FSTL5: variants seen among roughly 807,000 people sequenced by gnomAD.
FSTL5 encodes follistatin like 5, also known as follistatin-related protein 5.
Under a neutral mutation model 89.1 loss-of-function variants are expected in FSTL5, and 62 were observed. The observed-to-expected ratio is 0.70, with a 90% confidence interval of 0.57 to 0.86. FSTL5 has a LOEUF of 0.86. FSTL5 is among the 40% of genes least tolerant of loss of function. The pLI is 0.00. For missense variants in FSTL5, 1,057 were observed against 1,001.6 expected, an observed-to-expected ratio of 1.06 and a Z score of -0.75; for synonymous variants, 383 against 346.2, an observed-to-expected ratio of 1.11 and a Z score of -1.18.
At chr4:162,078,690 T>C (rs1246267099) in intron 2 of FSTL5, among the ~76,000 whole-genome samples, 1 of 151,804 alleles carries the variant, frequency 6.6e-6, no homozygotes, top group African/African-American at 2.4e-5. Context: ...ACCTTTTCAT[T>C]GACCTGGATG....
At chr4:162,057,558 A>G (rs1738586174) in intron 2 of FSTL5, among the ~76,000 whole-genome samples, 2 of 152,314 alleles carry the variant, frequency 1.3e-5, no homozygotes, top group Non-Finnish European at 2.9e-5. Context: ...AGGCAATAAA[A>G]ATGCACCTGT....
intron 8 of FSTL5, among the ~76,000 whole-genome samples, chr4:161,555,923 T>C (rs1186496111): frequency 6.6e-6 from 1 of 151,556 alleles, no homozygotes; most frequent in African/African-American, 2.4e-5. Context: ...TGAACTTAGA[T>C]GGGAATTGAA....
intron 4 of FSTL5, among the ~76,000 whole-genome samples, chr4:161,816,728 A>G (rs1045500233): frequency 5.3e-5 from 8 of 152,194 alleles, no homozygotes; most frequent in African/African-American, 1.9e-4. Flanking sequence ...CATCCTTTCC[A>G]AACAGGACAG....
chr4:161,761,654 G>C (rs1369483856), intron 5 of FSTL5, among the ~76,000 whole-genome samples: 1 of 152,152 alleles, frequency 6.6e-6, no homozygotes, highest in Non-Finnish European at 1.5e-5. Flanking sequence ...TCTTGCATAA[G>C]ACTAGTTTGA....
At chr4:161,478,795 G>C (rs1029907252) in intron 13 of FSTL5, among the ~76,000 whole-genome samples, 1 of 151,978 alleles carries the variant, frequency 6.6e-6, no homozygotes, top group African/African-American at 2.4e-5. Context: ...ATTTAAGCAA[G>C]TAGGTAACTA....
intron 4 of FSTL5, among the ~76,000 whole-genome samples, chr4:161,827,173 C>T (rs1046992285): frequency 6.6e-6 from 1 of 152,144 alleles, no homozygotes; most frequent in Non-Finnish European, 1.5e-5. Context: ...TCTCCCCCTT[C>T]CCCTAGGAAT....
At chr4:162,007,768 C>G (rs1043043180) in intron 3 of FSTL5, among the ~76,000 whole-genome samples, 1 of 151,852 alleles carries the variant, frequency 6.6e-6, no homozygotes, top group African/African-American at 2.4e-5. Context: ...CAATGCAATG[C>G]TGTCTAGCAA....
rs113295707 is a variant in FSTL5, at chr4:161,385,531, T to C, written c.*216A>G. ...TGATTCTTGTGACTGATGTGATTTC[T>C]CATTAAATATTGTGCTGAGTATTTC... On this transcript the variant is annotated 3_prime_UTR_variant, in exon 16 of 16. Coordinates refer to ENST00000306100, the MANE Select transcript of FSTL5 (RefSeq NM_020116.5). 1.7e-5 allele frequency: 8 copies of C among 458,440 alleles called. No individual in the cohort carries two copies. The highest frequency in any genetic ancestry group is 7.9e-5 in the African/African-American group (4 of 50,350). 28.4% of individuals were successfully genotyped at this position (458,440 alleles called of 1,614,324 possible).
At chr4:162,087,811 T>A (rs1730380714) in intron 2 of FSTL5, among the ~76,000 whole-genome samples, 2 of 152,158 alleles carry the variant, frequency 1.3e-5, no homozygotes, top group Non-Finnish European at 2.9e-5. Context: ...TACCTATGAA[T>A]CAATTGTGTA....
intron 4 of FSTL5, among the ~76,000 whole-genome samples, chr4:161,829,062 C>T (rs1359315816): frequency 6.2e-5 from 9 of 146,250 alleles, no homozygotes; most frequent in South Asian, 4.3e-4. Flanking sequence ...TCAATGGTGG[C>T]GAATTTATGA....
At chr4:161,733,602 T>C (rs1416982336) in intron 6 of FSTL5, among the ~76,000 whole-genome samples, 2 of 152,060 alleles carry the variant, frequency 1.3e-5, no homozygotes, top group Non-Finnish European at 2.9e-5. Context: ...GTATCGAGTT[T>C]GTCAATTTCA....
intron 2 of FSTL5, among the ~76,000 whole-genome samples, chr4:162,088,440 T>A (rs1186374794): frequency 6.6e-6 from 1 of 152,064 alleles, no homozygotes; most frequent in African/African-American, 2.4e-5. Flanking sequence ...AGCCATTGAC[T>A]TAGGATCAGA....
At chr4:161,454,761 T>A (rs1553987845) in intron 15 of FSTL5, among the ~76,000 whole-genome samples, 1 of 152,176 alleles carries the variant, frequency 6.6e-6, no homozygotes, top group Non-Finnish European at 1.5e-5. Flanking sequence ...AAGTGATTTT[T>A]AAAAATAAAA....
chr4:161,446,269 T>G (rs1341591963), intron 15 of FSTL5, among the ~76,000 whole-genome samples: 4 of 152,034 alleles, frequency 2.6e-5, no homozygotes, highest in Admixed American at 2.6e-4. Context: ...AAAAAAGTGA[T>G]GTGTATATAA....
intron 8 of FSTL5, among the ~76,000 whole-genome samples, chr4:161,577,491 A>AG (rs397996019): frequency 6.7e-5 from 10 of 149,888 alleles, no homozygotes; most frequent in East Asian, 5.9e-4. Context: ...AAAAAAAAAA[A>AG]GGAAACAAGA....
rs561565889 is a variant in FSTL5, at chr4:161,551,370, C to T, written c.1016-8677G>A. Among the ~76,000 whole-genome samples, 4 of 150,998 alleles carry T rather than the reference C, an allele frequency of 2.6e-5. No individual in the cohort carries two copies. In the East Asian group the frequency reaches 7.8e-4, roughly 30 times the overall value. On this transcript the variant is annotated intron_variant, in intron 8 of 15. Transcript: ENST00000306100. The stretch of plus-strand genomic sequence containing the variant: ...CATTTTTTCATGTGTTTTTTGGCTG[C>T]ATAAATGTCTTCTTTTGAGAAGTGT...
intron 12 of FSTL5, among the ~76,000 whole-genome samples, chr4:161,482,809 C>G (rs892937493): frequency 6.6e-5 from 10 of 152,204 alleles, no homozygotes; most frequent in African/African-American, 2.4e-4. Context: ...AATGTCAGAT[C>G]TAATTCAGGA....
rs568511277 is a variant in FSTL5 at position 161,630,811 on chromosome 4, C to T, written c.894+25517G>A. 4.6e-5 allele frequency among the ~76,000 whole-genome samples: 7 copies of T among 152,220 alleles called. No homozygotes were observed. In the East Asian group the frequency reaches 1.4e-3, roughly 29 times the overall value. On this transcript the variant is annotated intron_variant, in intron 7 of 15. Transcript: ENST00000306100. Reference sequence around the variant, plus strand: ...CTATCATTCTTTGAGTCACATGGCCCCAAAATATTATTTACTTGTATTTTG... The same window carrying T: ...CTATCATTCTTTGAGTCACATGGCCTCAAAATATTATTTACTTGTATTTTG...
At position 161,386,010 on chromosome 4, in the gene FSTL5, T is replaced by A; in HGVS notation, c.2281A>T (p.Ser761Cys). Residue 761 changes from serine (S) to cysteine (C), a missense_variant, in exon 16 of 16, where the codon AGC becomes TGC. Physicochemically the swap from Ser to Cys is moderately radical, Grantham distance 112 (BLOSUM62 -1). Coordinates refer to ENST00000306100, the MANE Select transcript of FSTL5 (RefSeq NM_020116.5). ...ACAAAGAGCACATCAGTTTGTGTGCTTGAACTACCGTAGATGTTATATTGG... is the reference window on the plus strand; with the variant it reads ...ACAAAGAGCACATCAGTTTGTGTGCATGAACTACCGTAGATGTTATATTGG... ...AHQYNIYGSS[S>C]TQTDVLFVEL... The A allele has an allele frequency of 6.2e-7, 1 of 1,614,056 alleles. No individual in the cohort carries two copies. Among genetic ancestry groups the A allele is most frequent in the Non-Finnish European group, 8.5e-7 (1 of 1,179,970 alleles).
Sources: allele counts gnomAD v4.1 joint callset (sites outside exome capture counted in the v4.1 genomes callset), GRCh38; gene constraint gnomAD v4.1.1; transcripts MANE v1.5; gene names NCBI Gene and HGNC (gene_info 2026-07-23, HGNC 2026-07-21).